Variants in NPIPB2 observed in about 807,000 individuals in gnomAD.
NPIPB2 encodes the protein nuclear pore complex-interacting protein family member B2.
In NPIPB2, 27 loss-of-function variants were observed where a neutral mutation model predicts 30.8. That is an observed-to-expected ratio of 0.88 (90% CI 0.65 to 1.21). NPIPB2 has a LOEUF of 1.21. Ranked by LOEUF, NPIPB2 falls within the 50% of genes most tolerant of loss-of-function variation. The pLI, the probability that NPIPB2 is intolerant of heterozygous loss-of-function variation, is 0.00. For synonymous variants in NPIPB2, 147 were observed against 162.0 expected, an observed-to-expected ratio of 0.91 and a Z score of 0.70; for missense variants, 440 against 446.2, an observed-to-expected ratio of 0.99 and a Z score of 0.13.
intron 4 of NPIPB2, among the ~76,000 whole-genome samples, chr16:11,932,315 A>G (rs1299081884): frequency 6.6e-6 from 1 of 151,656 alleles, no homozygotes; most frequent in Non-Finnish European, 1.5e-5. Context: ...TAATATGACC[A>G]AAACATGAAA....
intron 1 of NPIPB2, among the ~76,000 whole-genome samples, chr16:11,958,188 G>A (rs2055126407): frequency 6.6e-6 from 1 of 152,130 alleles, no homozygotes; most frequent in African/African-American, 2.4e-5. Context: ...CACTTTGGGA[G>A]ACTGTGGCGG....
intron 1 of NPIPB2, among the ~76,000 whole-genome samples, chr16:11,953,216 G>A (rs2055083116): frequency 6.6e-6 from 1 of 152,124 alleles, no homozygotes; most frequent in Non-Finnish European, 1.5e-5. Flanking sequence ...CGCAATGTTG[G>A]CTCACTGCAA....
intron 1 of NPIPB2, among the ~76,000 whole-genome samples, chr16:11,948,200 CG>C (rs979547138): frequency 1.3e-5 from 2 of 151,486 alleles, no homozygotes; most frequent in African/African-American, 4.9e-5. Context: ...GGTGCCAAAA[CG>C]GGGGAAGTTC....
rs766087820 is a variant in NPIPB2 at position 11,934,226 on chromosome 16, TCACACACA to T, written c.193-310_193-303del. Among the ~76,000 whole-genome samples the T allele has an allele frequency of 6.9e-3, 842 of 121,832 alleles. 20 individuals carry two copies. Among genetic ancestry groups the T allele is most frequent in the African/African-American group, 0.027 (777 of 28,968 alleles). 79.9% of individuals were successfully genotyped at this position (121,832 alleles called of 152,430 possible). A position where few individuals can be genotyped will look rare whatever the true frequency, so the allele number is the denominator to read the frequency against. The stretch of plus-strand genomic sequence containing the variant: ...GCCTGAGAGACAGAATGAGACTCTG[TCACACACA>T]CACACACACACACACACACACACAT... On this transcript the variant is annotated intron_variant, in intron 2 of 7. Transcript: ENST00000399147.
chr16:11,972,157 AAAAC>A (rs1010399111), intron 1 of NPIPB2, among the ~76,000 whole-genome samples: 4 of 152,090 alleles, frequency 2.6e-5, no homozygotes, highest in South Asian at 2.1e-4. Flanking sequence ...CAAAAAAACA[AAAAC>A]AAACCAACAA....
chr16:11,953,138 C>A (rs386606), intron 1 of NPIPB2, among the ~76,000 whole-genome samples: 148,080 of 152,030 alleles, frequency 0.97, 72,240 homozygotes, highest in East Asian at 1. Flanking sequence ...GCATTGAAAA[C>A]CCTAATTCAT....
intron 2 of NPIPB2, among the ~76,000 whole-genome samples, chr16:11,934,795 G>T (rs571229353): frequency 2.2e-5 from 3 of 138,962 alleles, no homozygotes; most frequent in Admixed American, 1.5e-4. Flanking sequence ...GGAGGCAGAG[G>T]TTGCAGTGAG....
chr16:11,966,059 C>T (rs1193672837), intron 1 of NPIPB2: 13 of 767,182 alleles, frequency 1.7e-5, no homozygotes, highest in Middle Eastern at 4.1e-4. Context: ...TGCAGTGAGC[C>T]GAGATCGCGC....
chr16:11,972,304 C>T (rs189889893), intron 1 of NPIPB2, among the ~76,000 whole-genome samples: 17 of 151,442 alleles, frequency 1.1e-4, no homozygotes, highest in East Asian at 6.0e-4. Flanking sequence ...GGCTGGATGC[C>T]GCGGCTCACG....
At chr16:11,964,941 T>G (rs1159622667) in intron 1 of NPIPB2, among the ~76,000 whole-genome samples, 1 of 152,182 alleles carries the variant, frequency 6.6e-6, no homozygotes, top group Non-Finnish European at 1.5e-5. Flanking sequence ...GAGTACAGCT[T>G]ATTAACAGAT....
At chr16:11,951,666 A>ACACACACACCCCCC (rs1226047972) in intron 1 of NPIPB2, among the ~76,000 whole-genome samples, 1 of 138,968 alleles carries the variant, frequency 7.2e-6, no homozygotes, top group Non-Finnish European at 1.6e-5. Flanking sequence ...ACACACACAC[A>ACACACACACCCCCC]CCCAGCCCCC....
intron 1 of NPIPB2, among the ~76,000 whole-genome samples, chr16:11,938,970 A>G (rs1461568567): frequency 1.3e-5 from 2 of 150,842 alleles, no homozygotes; most frequent in African/African-American, 4.9e-5. Context: ...CTGGTCTCCA[A>G]CTCCTGACCT....
intron 1 of NPIPB2, among the ~76,000 whole-genome samples, chr16:11,964,367 A>G (rs1411095405): frequency 6.6e-6 from 1 of 151,838 alleles, no homozygotes; most frequent in Non-Finnish European, 1.5e-5. Context: ...TTTTTCTGTC[A>G]GTGGCATTGT....
upstream of NPIPB2, among the ~76,000 whole-genome samples, chr16:11,944,821 C>T (rs184841495): frequency 6.6e-6 from 1 of 150,632 alleles, no homozygotes; most frequent in East Asian, 2.0e-4. Context: ...AGGCCAGATG[C>T]TGTTACCTGC....
At chr16:11,931,470 G>C (rs1045472293) in intron 4 of NPIPB2, among the ~76,000 whole-genome samples, 1 of 151,266 alleles carries the variant, frequency 6.6e-6, no homozygotes, top group Non-Finnish European at 1.5e-5. Context: ...CAAAGAGAAA[G>C]TTAATGAACT....
chr16:11,953,603 G>T (rs975329063), intron 1 of NPIPB2, among the ~76,000 whole-genome samples: 1 of 152,002 alleles, frequency 6.6e-6, no homozygotes, highest in Non-Finnish European at 1.5e-5. Flanking sequence ...ACCCACCTTG[G>T]CTTCTCAAAG....
At chr16:11,947,043 T>TATATATATAC (rs2055017681), upstream of NPIPB2, among the ~76,000 whole-genome samples, 1 of 136,126 alleles carries the variant, frequency 7.3e-6, no homozygotes, top group African/African-American at 2.6e-5. Context: ...ATTTGAATTA[T>TATATATATAC]ATATATATAT....
upstream of NPIPB2, among the ~76,000 whole-genome samples, chr16:11,944,901 G>A (rs1258956739): frequency 2.0e-5 from 3 of 151,716 alleles, no homozygotes; most frequent in South Asian, 2.1e-4. Flanking sequence ...ATAGCCAGCC[G>A]GGCACGGTGG....
At chr16:11,927,705 GAGT>G in exon 8 of NPIPB2, 1 of 1,597,040 alleles carries the variant, frequency 6.3e-7, no homozygotes. Flanking sequence ...GGTGGAAGGG[GAGT>G]GAGCAGACAC....
Sources: allele counts gnomAD v4.1 joint callset (sites outside exome capture counted in the v4.1 genomes callset), GRCh38; gene constraint gnomAD v4.1.1; transcripts MANE v1.5; gene names NCBI Gene and HGNC (gene_info 2026-07-23, HGNC 2026-07-21).